ME1: variants seen among roughly 807,000 people sequenced by gnomAD.
The protein encoded by ME1 is malic enzyme 1, also known as NADP-dependent malic enzyme.
In ME1, 74 loss-of-function variants were observed where a neutral mutation model predicts 66.4. The ratio of observed to expected loss-of-function variants is 1.11; its 90% CI spans 0.92 to 1.35. ME1 has a LOEUF of 1.35. Among genes scored for constraint, ME1 ranks in the 40% most tolerant of loss-of-function variants. ME1 has a pLI of 0.00. For synonymous variants in ME1, 251 were observed against 235.6 expected, an observed-to-expected ratio of 1.07 and a Z score of -0.60; for missense variants, 750 against 694.1, an observed-to-expected ratio of 1.08 and a Z score of -0.90.
chr6:83,372,809 A>C (rs1172177671), intron 3 of ME1, among the ~76,000 whole-genome samples: 1 of 152,258 alleles, frequency 6.6e-6, no homozygotes, highest in Non-Finnish European at 1.5e-5. Context: ...TCATGAAAGT[A>C]AGGCAAAAGA....
rs190516479 is a variant in ME1, at chr6:83,322,303, G to A, written c.601-6890C>T. Among the ~76,000 whole-genome samples, 253 of 152,260 alleles carry A rather than the reference G, an allele frequency of 1.7e-3. 2 individuals are homozygous for A. Among genetic ancestry groups the A allele is most frequent in the African/African-American group, 5.8e-3 (243 of 41,548 alleles). On this transcript the variant is annotated intron_variant, in intron 5 of 13. Transcript: ENST00000369705. ...GGGAATAAAACTGGATGGAGAATGA[G>A]TTTGACTAATTGACAAAAGTAGGCT...
At chr6:83,283,434 A>G (rs1040817389) in intron 6 of ME1, among the ~76,000 whole-genome samples, 1 of 151,650 alleles carries the variant, frequency 6.6e-6, no homozygotes, top group Non-Finnish European at 1.5e-5. Flanking sequence ...GGTGGGGGGA[A>G]AGGAGAGGGA....
intron 6 of ME1, among the ~76,000 whole-genome samples, chr6:83,299,370 G>A (rs1158917114): frequency 1.3e-5 from 2 of 152,038 alleles, no homozygotes; most frequent in African/African-American, 2.4e-5. Flanking sequence ...TATAGCAGTT[G>A]CAAATGGGAG....
In ME1 at chr6:83,253,744, G is replaced by A; in HGVS notation, c.705-6C>T. ...TAAGGCAATTCATGCCATACCTATG[G>A]GACAAAAACATTCATATTAGAAGAG... is the stretch of plus-strand genomic sequence containing the variant. On this transcript the variant is annotated splice_region_variant and splice_polypyrimidine_tract_variant and intron_variant, in intron 6 of 13. Coordinates refer to ENST00000369705, the MANE Select transcript of ME1 (RefSeq NM_002395.6). The A allele has an allele frequency of 6.9e-7, 1 of 1,450,252 alleles. No homozygotes were observed. The highest frequency in any genetic ancestry group is 1.2e-5 in the South Asian group (1 of 85,658). 89.8% of individuals were successfully genotyped at this position (1,450,252 alleles called of 1,614,324 possible). A position where few individuals can be genotyped will look rare whatever the true frequency, so the allele number is the denominator to read the frequency against.
intron 3 of ME1, among the ~76,000 whole-genome samples, chr6:83,395,059 G>A (rs1004073844): frequency 6.6e-6 from 1 of 151,648 alleles, no homozygotes; most frequent in Non-Finnish European, 1.5e-5. Flanking sequence ...TCAAAGGCAA[G>A]CTTAATTATG....
chr6:83,427,689 C>T (rs1770399061), intron 1 of ME1, among the ~76,000 whole-genome samples: 1 of 152,028 alleles, frequency 6.6e-6, no homozygotes, highest in Non-Finnish European at 1.5e-5. Flanking sequence ...GACTCCTGCC[C>T]TATGACAATC....
At position 83,211,694 on chromosome 6, in the gene ME1, G is replaced by A; in HGVS notation, c.*230C>T. 1 of 334,796 alleles carries A rather than the reference G, an allele frequency of 3.0e-6. No individual in the cohort carries two copies. Among genetic ancestry groups the A allele is most frequent in the East Asian group, 4.9e-5 (1 of 20,392 alleles). 20.7% of individuals were successfully genotyped at this position (334,796 alleles called of 1,614,324 possible). On this transcript the variant is annotated 3_prime_UTR_variant, in exon 14 of 14. Transcript: ENST00000369705. ...ACAACAGCTTTTAAAGAGAACGTAG[G>A]CAGAATAATTCAGACAGAAACCATA...
At chr6:83,418,282 C>T (rs1770199446) in intron 1 of ME1, among the ~76,000 whole-genome samples, 1 of 152,150 alleles carries the variant, frequency 6.6e-6, no homozygotes, top group African/African-American at 2.4e-5. Context: ...GTCCAAAGAC[C>T]TGCTGCCAGC....
At chr6:83,379,110 G>C (rs1370536044) in intron 3 of ME1, among the ~76,000 whole-genome samples, 1 of 151,944 alleles carries the variant, frequency 6.6e-6, no homozygotes, top group Non-Finnish European at 1.5e-5. Context: ...CTATTTTGTT[G>C]CATGAGAAAT....
At chr6:83,304,664 G>T (rs1190720191) in intron 6 of ME1, among the ~76,000 whole-genome samples, 1 of 152,072 alleles carries the variant, frequency 6.6e-6, no homozygotes, top group East Asian at 1.9e-4. Context: ...ACTACATATT[G>T]GTAAAATAAA....
rs2128524051 is a variant in ME1 at position 83,228,773 on chromosome 6, AC to A, written c.1132+52del. 4.8e-6 allele frequency: 6 copies of A among 1,239,408 alleles called. No homozygotes were observed. In the East Asian group the frequency reaches 7.0e-5, roughly 15 times the overall value. 76.8% of individuals were successfully genotyped at this position (1,239,408 alleles called of 1,614,324 possible). ...ACCTCAAAAATTGGTAGTAAAAAAA[AC>A]AATCAGGTCAAAATAAGGGGTAGGG... On this transcript the variant is annotated intron_variant, in intron 10 of 13. Transcript: ENST00000369705.
chr6:83,424,733 G>T (rs1273052658), intron 1 of ME1, among the ~76,000 whole-genome samples: 1 of 152,168 alleles, frequency 6.6e-6, no homozygotes, highest in East Asian at 1.9e-4. Flanking sequence ...TGCTAGGGCT[G>T]CCACAACAAA....
chr6:83,321,479 C>T (rs1486656904), intron 5 of ME1, among the ~76,000 whole-genome samples: 2 of 152,096 alleles, frequency 1.3e-5, no homozygotes, highest in Non-Finnish European at 2.9e-5. Context: ...GGATGTCCAT[C>T]ATTACTGAGG....
intron 6 of ME1, among the ~76,000 whole-genome samples, chr6:83,294,156 T>C (rs1050902129): frequency 1.3e-5 from 2 of 152,224 alleles, no homozygotes; most frequent in Non-Finnish European, 2.9e-5. Context: ...GCCACTGAAA[T>C]ACATGCACAA....
rs1562452246 is a variant in ME1 at position 83,227,380 on chromosome 6, A to T, written c.1230T>A (p.Thr410=). Residue 410 remains threonine (T), a synonymous_variant, in exon 11 of 14, where the codon ACT becomes ACA. Coordinates refer to ENST00000369705, the MANE Select transcript of ME1 (RefSeq NM_002395.6). ...GCTCTGCAGAACATTCTGCTTTGCT[A>T]GTTGGATTACTCAAAGCAAAAATAA... ...RPIIFALSNP[T]SKAECSAEQC... is the part of the protein sequence containing the mutation. 1 of 1,603,812 alleles carries T rather than the reference A, an allele frequency of 6.2e-7. No homozygotes were observed.
At chr6:83,308,939 A>C (rs1767877903) in intron 6 of ME1, among the ~76,000 whole-genome samples, 3 of 152,062 alleles carry the variant, frequency 2.0e-5, no homozygotes. Context: ...GTCATGTGGA[A>C]AACTGGGCAG....
intron 9 of ME1, among the ~76,000 whole-genome samples, chr6:83,237,508 G>A (rs1427733130): frequency 6.6e-6 from 1 of 152,272 alleles, no homozygotes; most frequent in Non-Finnish European, 1.5e-5. Context: ...GTAAGGAGCC[G>A]ACTCACATTG....
chr6:83,354,247 C>G (rs949569078), intron 3 of ME1, among the ~76,000 whole-genome samples: 1 of 152,178 alleles, frequency 6.6e-6, no homozygotes, highest in Non-Finnish European at 1.5e-5. Context: ...CTGCCTCAGC[C>G]TCTCAGGTGG....
At chr6:83,333,590 A>G (rs900915761) in intron 5 of ME1, among the ~76,000 whole-genome samples, 3 of 152,230 alleles carry the variant, frequency 2.0e-5, no homozygotes, top group African/African-American at 7.2e-5. Context: ...ACAGGTTACA[A>G]TATTACTAAC....
Sources: gnomAD v4.1 joint callset for allele counts (sites outside exome capture counted in the v4.1 genomes callset) on GRCh38, gnomAD v4.1.1 for gene constraint, MANE v1.5 for transcripts, NCBI Gene and HGNC (gene_info 2026-07-23, HGNC 2026-07-21) for gene names.